DENND4C: variants seen among roughly 807,000 people sequenced by gnomAD.
DENND4C encodes the protein DENN domain-containing protein 4C.
DENND4C carries 108 observed loss-of-function variants against 203.0 expected under a neutral mutation model. The ratio of observed to expected loss-of-function variants is 0.53; its 90% CI spans 0.46 to 0.62. The LOEUF is 0.62. Among genes scored for constraint, DENND4C ranks in the 20% least tolerant of loss-of-function variants. The pLI is 0.00. For missense variants in DENND4C, 2,481 were observed against 2,301.2 expected (o/e 1.08, Z -1.60); for synonymous variants, 871 against 792.4 (o/e 1.10, Z -1.67).
chr9:19,333,640 T>C (rs1306332813), intron 17 of DENND4C, among the ~76,000 whole-genome samples: 1 of 152,196 alleles, frequency 6.6e-6, no homozygotes, highest in East Asian at 1.9e-4. Context: ...AGTGCCTAGT[T>C]CATAGTAAGC....
chr9:19,332,886 C>T (rs1819589488), intron 17 of DENND4C, among the ~76,000 whole-genome samples: 1 of 151,114 alleles, frequency 6.6e-6, no homozygotes, highest in Admixed American at 6.6e-5. Flanking sequence ...AGGCATGAGC[C>T]ACTGTGGCTG....
intron 16 of DENND4C, among the ~76,000 whole-genome samples, chr9:19,329,297 A>G (rs1395529593): frequency 1.3e-5 from 2 of 152,216 alleles, no homozygotes; most frequent in Non-Finnish European, 2.9e-5. Context: ...GAGCATTTCA[A>G]GAGTAGAACT....
rs553929521 is a variant in DENND4C at position 19,277,931 on chromosome 9, T to C, written c.305+1452T>C. ...TGATCATGTATTTTTTCTTCCTTTG[T>C]TCTCTTAGTGTCATGTATTACATTG... On this transcript the variant is annotated intron_variant, in intron 2 of 32. Coordinates refer to ENST00000434457, the MANE Select transcript of DENND4C (RefSeq NM_001330640.2). 1.5e-4 allele frequency among the ~76,000 whole-genome samples: 23 copies of C among 152,258 alleles called. No individual in the cohort carries two copies. The South Asian group carries it at 4.6e-3, about 30-fold the overall frequency.
chr9:19,274,100 G>C (rs1832346504), intron 1 of DENND4C, among the ~76,000 whole-genome samples: 1 of 151,972 alleles, frequency 6.6e-6, no homozygotes, highest in African/African-American at 2.4e-5. Flanking sequence ...GTTGATACAA[G>C]CAACAACATG....
intron 10 of DENND4C, among the ~76,000 whole-genome samples, chr9:19,313,326 T>C (rs1413175241): frequency 6.6e-6 from 1 of 152,196 alleles, no homozygotes; most frequent in Non-Finnish European, 1.5e-5. Flanking sequence ...TTAGATTAGA[T>C]GAAATGTAGT....
chr9:19,287,342 C>T (rs995144600), intron 3 of DENND4C, among the ~76,000 whole-genome samples: 2 of 152,114 alleles, frequency 1.3e-5, no homozygotes, highest in East Asian at 1.9e-4. Context: ...AGAAGCTCTC[C>T]TTACATTCAT....
chr9:19,286,560 ATAGTT>A (rs1835258284), intron 2 of DENND4C, among the ~76,000 whole-genome samples: 1 of 152,142 alleles, frequency 6.6e-6, no homozygotes, highest in Non-Finnish European at 1.5e-5. Flanking sequence ...CTTTTGAAAA[ATAGTT>A]TAGAGACTTG....
At chr9:19,311,819 C>T (rs1840793191) in intron 10 of DENND4C, among the ~76,000 whole-genome samples, 1 of 152,096 alleles carries the variant, frequency 6.6e-6, no homozygotes, top group African/African-American at 2.4e-5. Context: ...AGTCTTTATG[C>T]ATTCACTGCA....
intron 1 of DENND4C, among the ~76,000 whole-genome samples, chr9:19,263,756 G>C (rs1430230930): frequency 6.6e-6 from 1 of 151,740 alleles, no homozygotes; most frequent in Non-Finnish European, 1.5e-5. Flanking sequence ...CCGGGTTCAA[G>C]CGATTTTCTT....
chr9:19,339,222 T>C (rs779514519), intron 20 of DENND4C, among the ~76,000 whole-genome samples: 1 of 152,200 alleles, frequency 6.6e-6, no homozygotes, highest in Non-Finnish European at 1.5e-5. Context: ...TTTTCTCTTG[T>C]ATATAACCAC....
intron 10 of DENND4C, among the ~76,000 whole-genome samples, chr9:19,305,862 T>A (rs555323379): frequency 6.6e-6 from 1 of 152,352 alleles, no homozygotes; most frequent in South Asian, 2.1e-4. Flanking sequence ...TGGGTTTAAT[T>A]CAAAATCCAT....
Position 19,286,911 on chromosome 9 carries a change from C to G in DENND4C, c.448C>G (p.Arg150Gly), listed in dbSNP as rs1356801713. Reference protein sequence around the residue: ...FITYRRAPPVRPQNSLAVTDI... With the variant: ...FITYRRAPPVGPQNSLAVTDI... ...CACTTATCGAAGGGCTCCTCCAGTT[C>G]GACCCCAGAATTCCTTGGCTGTAAC... The change falls in exon 3 of 33, where the codon CGA becomes GGA. Residue 150 changes from arginine (R) to glycine (G), a missense_variant. Around this residue, in one of 3 missense-constraint regions of DENND4C, gnomAD observed 187 missense variants for 167.4 expected, o/e 1.12. Coordinates refer to ENST00000434457, the MANE Select transcript of DENND4C (RefSeq NM_001330640.2). 3 of 1,231,952 alleles carry G rather than the reference C, an allele frequency of 2.4e-6. No homozygotes were observed. In the African/African-American group the frequency reaches 4.7e-5, roughly 19 times the overall value. 76.3% of individuals were successfully genotyped at this position (1,231,952 alleles called of 1,614,324 possible). A position where few individuals can be genotyped will look rare whatever the true frequency, so the allele number is the denominator to read the frequency against.
intron 1 of DENND4C, among the ~76,000 whole-genome samples, chr9:19,256,680 T>A (rs1828054152): frequency 6.6e-6 from 1 of 152,162 alleles, no homozygotes; most frequent in South Asian, 2.1e-4. Flanking sequence ...TTTATGTTAT[T>A]TTTTATTTTA....
chr9:19,245,947 C>G (rs186615279), intron 1 of DENND4C, among the ~76,000 whole-genome samples: 34 of 95,066 alleles, frequency 3.6e-4, no homozygotes, highest in Admixed American at 1.4e-3. Flanking sequence ...TTTGATATTT[C>G]TTGGAATCCA....
chr9:19,275,896 C>T (rs1170103015), intron 1 of DENND4C, among the ~76,000 whole-genome samples: 5 of 152,270 alleles, frequency 3.3e-5, no homozygotes, highest in South Asian at 2.1e-4. Context: ...CATGAGCCAT[C>T]GCGCCCGGCC....
rs543103694 is a variant in DENND4C, at chr9:19,348,086, C to G, written c.4317+1000C>G. Among the ~76,000 whole-genome samples the G allele has an allele frequency of 2.6e-5, 4 of 152,196 alleles. No individual in the cohort carries two copies. The South Asian group carries it at 8.3e-4, about 32-fold the overall frequency. On this transcript the variant is annotated intron_variant, in intron 23 of 32. Coordinates refer to ENST00000434457, the MANE Select transcript of DENND4C (RefSeq NM_001330640.2). The stretch of plus-strand genomic sequence containing the variant: ...TTGCTCTCGTTATTTAACAGTATGT[C>G]CTAGGTACTGTTATAAGCTATATGT...
chr9:19,284,868 G>C (rs577266540), intron 2 of DENND4C, among the ~76,000 whole-genome samples: 1 of 152,126 alleles, frequency 6.6e-6, no homozygotes. Context: ...GGCTTATGGT[G>C]TTCGTTGTCA....
At position 19,361,952 on chromosome 9, in the gene DENND4C, G is replaced by A. The variant is rs1167356864; in HGVS notation, c.5513G>A (p.Trp1838Ter). The change falls in exon 30 of 33, where the codon TGG becomes TAG. Residue 1838 changes from tryptophan to a stop codon, truncating the protein, a stop_gained. Coordinates refer to ENST00000434457, the MANE Select transcript of DENND4C (RefSeq NM_001330640.2). LOFTEE classifies it high-confidence loss of function. ...QEPREPLYVSWRNFNSEKKSS... is the reference protein window; with the variant it reads ...QEPREPLYVS Reference sequence around the variant, plus strand: ...CCAAGAGAACCTCTGTATGTCTCATGGAGGAATTTTAGTAAGTAAAATAGA... The same window carrying A: ...CCAAGAGAACCTCTGTATGTCTCATAGAGGAATTTTAGTAAGTAAAATAGA... The A allele has an allele frequency of 6.3e-7, 1 of 1,582,882 alleles. No homozygotes were observed. Among genetic ancestry groups the A allele is most frequent in the Non-Finnish European group, 8.7e-7 (1 of 1,152,172 alleles).
chr9:19,252,500 T>C (rs1245973559), intron 1 of DENND4C, among the ~76,000 whole-genome samples: 1 of 152,192 alleles, frequency 6.6e-6, no homozygotes, highest in Non-Finnish European at 1.5e-5. Flanking sequence ...GAGGATTGTT[T>C]GAGCCCAGGA....
Sources: gnomAD v4.1 joint callset for allele counts (sites outside exome capture counted in the v4.1 genomes callset) on GRCh38, gnomAD v4.1.1 for gene constraint, gnomAD v4.1.1 regional missense constraint, MANE v1.5 for transcripts, NCBI Gene and HGNC (gene_info 2026-07-23, HGNC 2026-07-21) for gene names.